Variants in KLF7 observed in about 807,000 individuals in gnomAD.
KLF7 encodes the protein KLF transcription factor 7.
A neutral mutation model predicts 27.3 loss-of-function variants in KLF7; 2 were observed. The observed-to-expected ratio is 0.07, with a 90% confidence interval of 0.03 to 0.23. The LOEUF (loss-of-function observed/expected upper bound fraction) is 0.23, where lower values mean the gene tolerates loss of function less well. Among genes scored for constraint, KLF7 ranks in the 10% least tolerant of loss-of-function variants. The pLI, the probability that KLF7 is intolerant of heterozygous loss-of-function variation, is 1.00. For synonymous variants in KLF7, 165 were observed against 162.4 expected, an observed-to-expected ratio of 1.02 and a Z score of -0.12; for missense variants, 221 against 394.1, an observed-to-expected ratio of 0.56 and a Z score of 3.72.
intron 1 of KLF7, among the ~76,000 whole-genome samples, chr2:207,137,739 A>G (rs908647768): frequency 6.6e-6 from 1 of 150,866 alleles, no homozygotes; most frequent in African/African-American, 2.4e-5. Flanking sequence ...TCTTTAATGT[A>G]TTTTGGATGC....
intron 1 of KLF7, among the ~76,000 whole-genome samples, chr2:207,157,955 A>G (rs1337878231): frequency 6.6e-6 from 1 of 152,196 alleles, no homozygotes; most frequent in African/African-American, 2.4e-5. Context: ...GGTTTAGGAC[A>G]TATTCAGCTG....
rs1197235664 is a variant in KLF7, at chr2:207,077,166, ACT to A, written c.*4045_*4046del. The A allele has an allele frequency of 6.6e-6, 1 of 152,202 alleles. No homozygotes were observed. The highest frequency in any genetic ancestry group is 1.5e-5 in the Non-Finnish European group (1 of 68,034). The allele number at this position is 152,202 out of a possible 1,614,324, so 9.4% of individuals were successfully genotyped here. Reference sequence around the variant, plus strand: ...CCATTTTGAACCATCAAAACGAGTCACTGGGTTTTGTTCTTGCAACTTGAGTT... The same window carrying A: ...CCATTTTGAACCATCAAAACGAGTCAGGGTTTTGTTCTTGCAACTTGAGTT... On this transcript the variant is annotated 3_prime_UTR_variant, in exon 4 of 4. Coordinates refer to ENST00000309446, the MANE Select transcript of KLF7 (RefSeq NM_003709.4).
intron 2 of KLF7, among the ~76,000 whole-genome samples, chr2:207,106,562 C>T (rs1401875096): frequency 4.6e-5 from 7 of 151,840 alleles, no homozygotes; most frequent in Non-Finnish European, 8.8e-5. Flanking sequence ...TATGCATCTA[C>T]GAAAAAAAAT....
Position 207,157,893 on chromosome 2 carries a change from T to C in KLF7, c.102+7574A>G, listed in dbSNP as rs558935147. Among the ~76,000 whole-genome samples the C allele has an allele frequency of 2.0e-3, 311 of 152,124 alleles. 3 individuals are homozygous for C. Among genetic ancestry groups the C allele is most frequent in the African/African-American group, 7.0e-3 (291 of 41,490 alleles). On this transcript the variant is annotated intron_variant, in intron 1 of 3. Coordinates refer to ENST00000309446, the MANE Select transcript of KLF7 (RefSeq NM_003709.4). Reference sequence around the variant, plus strand: ...CGAATAATCACATTATTAAAAGAAATAGGGAAGCCAGGAAAAAGGAAGCAG... The same window carrying C: ...CGAATAATCACATTATTAAAAGAAACAGGGAAGCCAGGAAAAAGGAAGCAG...
At position 207,078,561 on chromosome 2, in the gene KLF7, G is replaced by C. The variant is rs2076215272; in HGVS notation, c.*2652C>G. 1 of 152,238 alleles carries C rather than the reference G, an allele frequency of 6.6e-6. No homozygotes were observed. Among genetic ancestry groups the C allele is most frequent in the Non-Finnish European group, 1.5e-5 (1 of 68,046 alleles). The allele number at this position is 152,238 out of a possible 1,614,324, so 9.4% of individuals were successfully genotyped here. A position where few individuals can be genotyped will look rare whatever the true frequency, so the allele number is the denominator to read the frequency against. On this transcript the variant is annotated 3_prime_UTR_variant, in exon 4 of 4. Coordinates refer to ENST00000309446, the MANE Select transcript of KLF7 (RefSeq NM_003709.4). ...TAATAATAGCATTCGAGAGGCAAGA[G>C]CAGCTCCAGCTTGGGAGAGAACATT...
chr2:207,146,565 G>A (rs185008018), intron 1 of KLF7, among the ~76,000 whole-genome samples: 3 of 152,086 alleles, frequency 2.0e-5, no homozygotes, highest in Admixed American at 2.0e-4. Flanking sequence ...TCTCCTTAGG[G>A]GACCCTTTCT....
At position 207,099,716 on chromosome 2, in the gene KLF7, A is replaced by C. The variant is rs1188854859; in HGVS notation, c.734-11135T>G. 2.6e-5 allele frequency among the ~76,000 whole-genome samples: 4 copies of C among 151,764 alleles called. No homozygotes were observed. In the East Asian group the frequency reaches 7.7e-4, roughly 29 times the overall value. ...TTTAATTAAGCTAATGATAACAAAAATTGATATTCCTTGATGATATAAATA... is the reference window on the plus strand; with the variant it reads ...TTTAATTAAGCTAATGATAACAAAACTTGATATTCCTTGATGATATAAATA... On this transcript the variant is annotated intron_variant, in intron 2 of 3. Transcript: ENST00000309446.
At chr2:207,144,059 TTAAC>T (rs1237487720) in intron 1 of KLF7, among the ~76,000 whole-genome samples, 1 of 124,342 alleles carries the variant, frequency 8.0e-6, no homozygotes, top group South Asian at 2.7e-4. Flanking sequence ...CATTAGAGTC[TTAAC>T]TCAAGGGAGG....
At chr2:207,130,759 G>T (rs1313875734) in intron 1 of KLF7, among the ~76,000 whole-genome samples, 1 of 152,076 alleles carries the variant, frequency 6.6e-6, no homozygotes. Flanking sequence ...CAAAACCATT[G>T]GTGCAATATT....
chr2:207,126,272 A>AT (rs1260175900), intron 1 of KLF7, among the ~76,000 whole-genome samples: 4 of 152,042 alleles, frequency 2.6e-5, no homozygotes, highest in African/African-American at 9.7e-5. Flanking sequence ...CATTCAATTG[A>AT]TTTCTGAATT....
upstream of KLF7, among the ~76,000 whole-genome samples, chr2:207,170,415 A>G (rs1277598457): frequency 6.6e-6 from 1 of 152,220 alleles, no homozygotes. Context: ...GGGAAGGAGC[A>G]AGTAGTAATG....
At chr2:207,110,533 C>T (rs570904440) in intron 2 of KLF7, among the ~76,000 whole-genome samples, 5 of 152,164 alleles carry the variant, frequency 3.3e-5, no homozygotes, top group Admixed American at 2.6e-4. Flanking sequence ...CTCCCTCCCA[C>T]GTACCAGCCT....
chr2:207,094,560 ACACT>A (rs1287423470), intron 2 of KLF7, among the ~76,000 whole-genome samples: 3 of 152,354 alleles, frequency 2.0e-5, no homozygotes, highest in Non-Finnish European at 4.4e-5. Context: ...CTTTCACATC[ACACT>A]CAGTCGCACT....
At chr2:207,147,585 G>A (rs997084529) in intron 1 of KLF7, among the ~76,000 whole-genome samples, 4 of 152,190 alleles carry the variant, frequency 2.6e-5, no homozygotes, top group South Asian at 2.1e-4. Flanking sequence ...TGGCTGGGGC[G>A]GAGGAGTCTG....
intron 3 of KLF7, among the ~76,000 whole-genome samples, chr2:207,084,891 C>T (rs1382955510): frequency 2.0e-5 from 3 of 152,046 alleles, no homozygotes; most frequent in Non-Finnish European, 4.4e-5. Flanking sequence ...GGCCAGGCGT[C>T]GTGGCTCGCG....
chr2:207,161,959 TA>T (rs2078559449), intron 1 of KLF7, among the ~76,000 whole-genome samples: 1 of 152,008 alleles, frequency 6.6e-6, no homozygotes, highest in Non-Finnish European at 1.5e-5. Context: ...CATAATTCCA[TA>T]AGACTTTTCA....
At chr2:207,152,200 G>A (rs577455225) in intron 1 of KLF7, among the ~76,000 whole-genome samples, 50 of 149,070 alleles carry the variant, frequency 3.4e-4, no homozygotes, top group Middle Eastern at 3.5e-3. Context: ...CAGTTACAGC[G>A]GTTAATGGAA....
In KLF7 at chr2:207,081,083, G is replaced by GTA; in HGVS notation, c.*128_*129dup. ...TATATGTGTGTGTGTGTGTGTGTGT[G>GTA]TACAGAGGTTTATAAGTGAGAACTT... On this transcript the variant is annotated 3_prime_UTR_variant, in exon 4 of 4. Coordinates refer to ENST00000309446, the MANE Select transcript of KLF7 (RefSeq NM_003709.4). 3 of 752,540 alleles carry GTA rather than the reference G, an allele frequency of 4.0e-6. No homozygotes were observed. Among genetic ancestry groups the GTA allele is most frequent in the South Asian group, 3.0e-5 (2 of 65,984 alleles). The allele number at this position is 752,540 out of a possible 1,614,324, so 46.6% of individuals were successfully genotyped here. A position where few individuals can be genotyped will look rare whatever the true frequency, so the allele number is the denominator to read the frequency against.
At chr2:207,156,078 A>T (rs967680612) in intron 1 of KLF7, among the ~76,000 whole-genome samples, 11 of 129,340 alleles carry the variant, frequency 8.5e-5, no homozygotes, top group African/African-American at 2.8e-4. Context: ...TCCAAAAGGC[A>T]TCCTTCAACC....
Sources: allele counts gnomAD v4.1 joint callset (sites outside exome capture counted in the v4.1 genomes callset), GRCh38; gene constraint gnomAD v4.1.1; transcripts MANE v1.5; gene names NCBI Gene and HGNC (gene_info 2026-07-23, HGNC 2026-07-21).